FILIP1L: variants seen among roughly 807,000 people sequenced by gnomAD.
FILIP1L encodes filamin A interacting protein 1 like, also known as filamin A-interacting protein 1-like.
FILIP1L carries 55 observed loss-of-function variants against 96.6 expected under a neutral mutation model. The ratio of observed to expected loss-of-function variants is 0.57; its 90% confidence interval spans 0.46 to 0.71. FILIP1L has a LOEUF of 0.71. FILIP1L is among the 30% of genes least tolerant of loss of function. FILIP1L has a pLI of 0.00. For synonymous variants in FILIP1L, 467 were observed against 473.9 expected (o/e 0.99, Z 0.19); for missense variants, 1,304 against 1,321.2 (o/e 0.99, Z 0.20).
At chr3:99,950,684 C>T (rs1241104893) in intron 1 of FILIP1L, among the ~76,000 whole-genome samples, 1 of 152,180 alleles carries the variant, frequency 6.6e-6, no homozygotes, top group Non-Finnish European at 1.5e-5. Flanking sequence ...GGAATGGAGG[C>T]AGCCCACGAT....
intron 1 of FILIP1L, among the ~76,000 whole-genome samples, chr3:100,012,062 G>A (rs1194027827): frequency 1.3e-5 from 2 of 152,176 alleles, no homozygotes; most frequent in Admixed American, 1.3e-4. Flanking sequence ...GGGGTGGTAT[G>A]TGGTAAGCAA....
chr3:100,003,472 G>A (rs1435854837), intron 1 of FILIP1L, among the ~76,000 whole-genome samples: 5 of 152,138 alleles, frequency 3.3e-5, no homozygotes, highest in Non-Finnish European at 5.9e-5. Flanking sequence ...TGATAGATGC[G>A]TTCACATGCA....
chr3:100,113,157 GGT>G (rs1465934062), intron 1 of FILIP1L, among the ~76,000 whole-genome samples: 1 of 152,134 alleles, frequency 6.6e-6, no homozygotes, highest in Non-Finnish European at 1.5e-5. Context: ...ATCATTAATT[GGT>G]ATGGAAAGAA....
At chr3:100,034,654 T>G (rs1265756094) in intron 1 of FILIP1L, among the ~76,000 whole-genome samples, 1 of 152,166 alleles carries the variant, frequency 6.6e-6, no homozygotes, top group Admixed American at 6.5e-5. Context: ...TGTCTAGTAT[T>G]TAGGTAAGAC....
intron 1 of FILIP1L, among the ~76,000 whole-genome samples, chr3:100,084,322 CT>C (rs1357332303): frequency 1.3e-5 from 2 of 152,108 alleles, no homozygotes; most frequent in Non-Finnish European, 2.9e-5. Flanking sequence ...GTTTTTCATG[CT>C]ACCCACATAA....
chr3:99,849,665 G>T lies in FILIP1L; in HGVS notation c.2011C>A (p.Gln671Lys). ...RRYANERDKA[Q>K]FLSKELEHVK... ...TGTTCTAGCTCTTTAGATAAAAATT[G>T]AGCTTTGTCTCGTTCATTAGCATAC... The change falls in exon 5 of 6, where the codon CAA becomes AAA. Residue 671 changes from glutamine to lysine, a missense_variant. By Grantham distance (53) the Gln-to-Lys change is moderately conservative. Coordinates refer to ENST00000477258, the MANE Select transcript of FILIP1L (RefSeq NM_001387850.1). 6.2e-7 allele frequency: 1 copy of T among 1,613,216 alleles called. No homozygotes were observed.
At chr3:99,897,097 GC>G (rs1706280227) in intron 4 of FILIP1L, among the ~76,000 whole-genome samples, 1 of 152,066 alleles carries the variant, frequency 6.6e-6, no homozygotes, top group Admixed American at 6.5e-5. Flanking sequence ...GGTGGCTCAC[GC>G]CTGTAATCCC....
At chr3:99,930,712 A>T in intron 2 of FILIP1L, 57 bp downstream of exon 2, 3 of 1,589,720 alleles carry the variant, frequency 1.9e-6, no homozygotes, top group Non-Finnish European at 2.6e-6. Context: ...AGGAACACCA[A>T]ATTCACAAGC....
intron 1 of FILIP1L, among the ~76,000 whole-genome samples, chr3:99,948,433 G>C (rs1708076326): frequency 6.6e-6 from 1 of 151,706 alleles, no homozygotes; most frequent in Admixed American, 6.6e-5. Flanking sequence ...ATCTACTCGT[G>C]AGGCTGAGGC....
chr3:100,094,863 T>TG (rs2066176543), intron 1 of FILIP1L, among the ~76,000 whole-genome samples: 2 of 152,000 alleles, frequency 1.3e-5, no homozygotes, highest in South Asian at 4.2e-4. Context: ...TGTGTGTGTG[T>TG]TTTTTTAGTA....
intron 1 of FILIP1L, among the ~76,000 whole-genome samples, chr3:100,057,212 A>G (rs1317174798): frequency 6.6e-6 from 1 of 152,192 alleles, no homozygotes. Context: ...GGACTAGGTG[A>G]CTAAAGACCC....
At chr3:100,071,203 G>T (rs921783678) in intron 1 of FILIP1L, among the ~76,000 whole-genome samples, 4 of 149,894 alleles carry the variant, frequency 2.7e-5, no homozygotes, top group Admixed American at 6.7e-5. Context: ...TGGGGAAGTG[G>T]AGAAAAGAAA....
chr3:99,929,825 C>G (rs1407643940), intron 3 of FILIP1L, 31 bp downstream of exon 3: 1 of 1,547,674 alleles, frequency 6.5e-7, no homozygotes, highest in Admixed American at 1.9e-5. Context: ...TTGGCTGCCT[C>G]CCAGGTACAC....
chr3:99,981,128 T>G (rs1476417490), intron 1 of FILIP1L, among the ~76,000 whole-genome samples: 1 of 152,166 alleles, frequency 6.6e-6, no homozygotes, highest in Non-Finnish European at 1.5e-5. Context: ...GTCCGAGCAT[T>G]GTGCCACTGA....
chr3:99,846,010 T>C (rs550540676), intron 5 of FILIP1L, among the ~76,000 whole-genome samples: 53 of 152,354 alleles, frequency 3.5e-4, no homozygotes, highest in African/African-American at 1.2e-3. Flanking sequence ...ACAAGACTTA[T>C]GGTGTTAACT....
intron 4 of FILIP1L, among the ~76,000 whole-genome samples, chr3:99,887,908 A>AT (rs564409321): frequency 8.7e-5 from 13 of 149,578 alleles, no homozygotes; most frequent in Middle Eastern, 3.4e-3. Context: ...CACCTGGCTA[A>AT]TTTTTTTTTT....
At position 99,850,959 on chromosome 3, in the gene FILIP1L, A is replaced by C. The variant is rs1167927868; in HGVS notation, c.717T>G (p.Ala239=). 6.2e-7 allele frequency: 1 copy of C among 1,614,170 alleles called. No individual in the cohort carries two copies. Among genetic ancestry groups the C allele is most frequent in the Non-Finnish European group, 8.5e-7 (1 of 1,180,018 alleles). ...KEELTKLKSF[A]LMVVDEQQRL... ...TTTGCTGTTCATCCACCACCATCAA[A>C]GCAAAAGACTTCAGCTTGGTCAGCT... The change falls in exon 5 of 6, where the codon GCT becomes GCG. Residue 239 remains alanine, a synonymous_variant. Coordinates refer to ENST00000477258, the MANE Select transcript of FILIP1L (RefSeq NM_001387850.1).
chr3:100,002,094 T>A (rs958306356), intron 1 of FILIP1L, among the ~76,000 whole-genome samples: 7 of 152,268 alleles, frequency 4.6e-5, no homozygotes, highest in African/African-American at 1.7e-4. Context: ...CCACTGCAAG[T>A]GGAAAACATG....
At chr3:100,036,335 A>G (rs1013514494) in intron 1 of FILIP1L, among the ~76,000 whole-genome samples, 8 of 152,186 alleles carry the variant, frequency 5.3e-5, no homozygotes, top group African/African-American at 1.9e-4. Flanking sequence ...AGCCTGGAAC[A>G]TCTTTTCATG....
Sources: gnomAD v4.1 joint callset for allele counts (sites outside exome capture counted in the v4.1 genomes callset) on GRCh38, gnomAD v4.1.1 for gene constraint, MANE v1.5 for transcripts, NCBI Gene and HGNC (gene_info 2026-07-23, HGNC 2026-07-21) for gene names.